COP1: variants seen among roughly 807,000 people sequenced by gnomAD.
COP1 encodes E3 ubiquitin-protein ligase COP1.
COP1 carries 24 observed loss-of-function variants against 101.3 expected under a neutral mutation model. The observed-to-expected ratio is 0.24, with a 90% CI of 0.17 to 0.33. The LOEUF (loss-of-function observed/expected upper bound fraction) is 0.33, where lower values mean the gene tolerates loss of function less well. Ranked by LOEUF, COP1 falls within the 10% of genes least tolerant of loss-of-function variation. The probability of loss-of-function intolerance (pLI) is 1.00; values close to 1 mark genes in which losing one functional copy is unlikely to be tolerated. For missense variants in COP1, 663 were observed against 906.2 expected (o/e 0.73, Z 3.45); for synonymous variants, 347 against 341.9 (o/e 1.01, Z -0.17).
Position 175,965,991 on chromosome 1 carries a change from A to G in COP1, c.2134-18752T>C, listed in dbSNP as rs1040335676. The stretch of plus-strand genomic sequence containing the variant: ...GCATTTTGAAACCAAGTGAGAGTCC[A>G]TACAAAGACATTCAAACATAGGTTC... On this transcript the variant is annotated intron_variant, in intron 18 of 19. Transcript: ENST00000367669. 5.3e-5 allele frequency among the ~76,000 whole-genome samples: 8 copies of G among 152,212 alleles called. No homozygotes were observed. In the South Asian group the frequency reaches 6.2e-4, roughly 12 times the overall value.
intron 11 of COP1, among the ~76,000 whole-genome samples, chr1:176,057,996 A>G (rs1673957616): frequency 1.2e-5 from 1 of 82,934 alleles, no homozygotes; most frequent in African/African-American, 3.0e-5. Context: ...CCCGTCTGAG[A>G]GGTGAGGAGC....
intron 9 of COP1, among the ~76,000 whole-genome samples, chr1:176,087,484 G>A (rs1268177679): frequency 1.3e-5 from 2 of 152,164 alleles, no homozygotes; most frequent in African/African-American, 4.8e-5. Context: ...CATTTATGCA[G>A]CCAACAGACA....
intron 1 of COP1, among the ~76,000 whole-genome samples, chr1:176,188,033 C>A (rs985746754): frequency 6.6e-6 from 1 of 151,938 alleles, no homozygotes; most frequent in Non-Finnish European, 1.5e-5. Context: ...TCAGGCAGAT[C>A]CAGAGAGCAG....
intron 1 of COP1, among the ~76,000 whole-genome samples, chr1:176,202,571 G>A (rs1462926388): frequency 1.3e-5 from 2 of 151,674 alleles, no homozygotes; most frequent in Admixed American, 6.6e-5. Flanking sequence ...GGTGGCACCC[G>A]TCTCTAATCC....
intron 9 of COP1, among the ~76,000 whole-genome samples, chr1:176,108,775 T>C (rs1322935988): frequency 6.6e-6 from 1 of 152,114 alleles, no homozygotes; most frequent in Non-Finnish European, 1.5e-5. Context: ...TTAAAAATAT[T>C]GATGTCCTGA....
At position 176,170,953 on chromosome 1, in the gene COP1, A is replaced by G. The variant is rs377644005; in HGVS notation, c.565+4957T>C. 2.6e-3 allele frequency among the ~76,000 whole-genome samples: 396 copies of G among 151,926 alleles called. 3 individuals are homozygous for G. The highest frequency in any genetic ancestry group is 9.1e-3 in the African/African-American group (378 of 41,472). On this transcript the variant is annotated intron_variant, in intron 3 of 19. Coordinates refer to ENST00000367669, the MANE Select transcript of COP1 (RefSeq NM_022457.7). ...ATCCTGGCTAACACAGTGAAACCCC[A>G]TCTCTACTAAAAATACAAAAAATTA...
intron 18 of COP1, among the ~76,000 whole-genome samples, chr1:175,970,682 A>G (rs1394118248): frequency 2.0e-5 from 3 of 152,190 alleles, no homozygotes; most frequent in Non-Finnish European, 2.9e-5. Context: ...CTTAAGGATC[A>G]TATTTAATAG....
chr1:176,150,897 C>T lies in COP1; in HGVS notation c.763-1823G>A, dbSNP rs570868869. ...TTTAATCTTTTTAAAGGAAGAATTT[C>T]AAGAAAAGAGATGAATGGCAAATAT... On this transcript the variant is annotated intron_variant, in intron 5 of 19. Coordinates refer to ENST00000367669, the MANE Select transcript of COP1 (RefSeq NM_022457.7). Among the ~76,000 whole-genome samples, 29 of 151,720 alleles carry T rather than the reference C, an allele frequency of 1.9e-4. 1 individual carries two copies. The East Asian group carries it at 1.9e-3, about 10-fold the overall frequency.
intron 5 of COP1, among the ~76,000 whole-genome samples, chr1:176,162,465 G>C (rs1694487552): frequency 6.6e-6 from 1 of 152,020 alleles, no homozygotes; most frequent in South Asian, 2.1e-4. Context: ...TGCTACCAAT[G>C]GACACCTGCT....
intron 3 of COP1, among the ~76,000 whole-genome samples, chr1:176,174,159 A>T (rs1696584318): frequency 6.6e-6 from 1 of 152,086 alleles, no homozygotes; most frequent in Admixed American, 6.6e-5. Flanking sequence ...TTGCCTGAAA[A>T]ATCTAGTAAA....
chr1:176,096,399 C>T (rs1382076813), intron 9 of COP1, among the ~76,000 whole-genome samples: 1 of 152,192 alleles, frequency 6.6e-6, no homozygotes, highest in African/African-American at 2.4e-5. Flanking sequence ...CTCCCCTTAC[C>T]TCCTGGTTTG....
Position 175,976,811 on chromosome 1 carries a change from C to T in COP1, c.2133+10132G>A, listed in dbSNP as rs142497295. 3.1e-3 allele frequency among the ~76,000 whole-genome samples: 477 copies of T among 152,148 alleles called. 3 individuals carry two copies. Among genetic ancestry groups the T allele is most frequent in the East Asian group, 0.012 (64 of 5,178 alleles). ...ATCTGACAAAAATATTTAGATAGCT[C>T]GTAATGAAATAAGACATTGAACTTC... is the stretch of plus-strand genomic sequence containing the variant. On this transcript the variant is annotated intron_variant, in intron 18 of 19. Coordinates refer to ENST00000367669, the MANE Select transcript of COP1 (RefSeq NM_022457.7).
rs1237604886 is a variant in COP1, at chr1:176,019,549, C to CA, written c.1729+8022dup. On this transcript the variant is annotated intron_variant, in intron 15 of 19. Transcript: ENST00000367669. The stretch of plus-strand genomic sequence containing the variant: ...CACTACTACTACCACCAAATCATAA[C>CA]AAAAAAAAAAATCAAAACATCACTA... 6.7e-4 allele frequency among the ~76,000 whole-genome samples: 94 copies of CA among 141,166 alleles called. 1 individual carries two copies. The highest frequency in any genetic ancestry group is 1.7e-3 in the African/African-American group (64 of 38,650). 92.6% of individuals were successfully genotyped at this position (141,166 alleles called of 152,430 possible).
chr1:176,165,037 T>TGCAA (rs1249521459), intron 3 of COP1, among the ~76,000 whole-genome samples: 2 of 152,130 alleles, frequency 1.3e-5, no homozygotes, highest in African/African-American at 4.8e-5. Flanking sequence ...TATATCACAA[T>TGCAA]GCAAGTATAA....
At chr1:176,134,298 G>A (rs1572443087) in intron 8 of COP1, among the ~76,000 whole-genome samples, 2 of 152,106 alleles carry the variant, frequency 1.3e-5, no homozygotes, top group East Asian at 1.9e-4. Context: ...ATGATTTCAT[G>A]TAAAACTGTT....
At chr1:176,185,808 T>G (rs1698373820) in intron 1 of COP1, among the ~76,000 whole-genome samples, 1 of 152,224 alleles carries the variant, frequency 6.6e-6, no homozygotes, top group Non-Finnish European at 1.5e-5. Flanking sequence ...CTTGACTTGC[T>G]TAAGTCAATG....
At chr1:176,088,544 C>T (rs769874059) in intron 9 of COP1, among the ~76,000 whole-genome samples, 12 of 151,744 alleles carry the variant, frequency 7.9e-5, no homozygotes, top group East Asian at 3.9e-4. Flanking sequence ...ATAAGATCTG[C>T]GCTTTTCTTT....
chr1:176,175,774 GA>G, intron 3 of COP1, 135 bp downstream of exon 3: 1 of 448,788 alleles, frequency 2.2e-6, no homozygotes, highest in Non-Finnish European at 3.9e-6. Flanking sequence ...CACAACCCAA[GA>G]AGAGGAAAGC....
rs1401746521 is a variant in COP1 at position 176,206,597 on chromosome 1, C to T, written c.382G>A (p.Glu128Lys). The change falls in exon 1 of 20, where the codon GAG becomes AAG. Residue 128 changes from glutamate (E) to lysine (K), a missense_variant. By Grantham distance (56) the Glu-to-Lys change is moderately conservative. This residue lies in a region of COP1 where 204 missense variants were observed against 203.6 expected (regional missense o/e 1.00). Coordinates refer to ENST00000367669, the MANE Select transcript of COP1 (RefSeq NM_022457.7). ...CATACGAAGTCGTTGCTTTTGTCCT[C>T]GTAGGAGTTGATGAGCCCGTTGCAG... ...PLCNGLINSY[E>K]DKSNDFVCPI... 1 of 1,611,590 alleles carries T rather than the reference C, an allele frequency of 6.2e-7. No homozygotes were observed. Among genetic ancestry groups the T allele is most frequent in the Admixed American group, 1.7e-5 (1 of 60,006 alleles).
Sources: allele counts gnomAD v4.1 joint callset (sites outside exome capture counted in the v4.1 genomes callset), GRCh38; gene constraint gnomAD v4.1.1; regional missense constraint gnomAD v4.1.1; transcripts MANE v1.5; gene names NCBI Gene and HGNC (gene_info 2026-07-23, HGNC 2026-07-21).